The following TRPM3 variants were observed in gnomAD, a reference collection of about 807,000 sequenced individuals.
TRPM3 encodes the protein transient receptor potential cation channel subfamily M member 3, also known as long transient receptor potential channel 3.
A neutral mutation model predicts 181.2 loss-of-function variants in TRPM3; 77 were observed. That is an observed-to-expected ratio of 0.42 (90% confidence interval 0.35 to 0.51). The LOEUF (loss-of-function observed/expected upper bound fraction) is 0.51, where lower values mean the gene tolerates loss of function less well. Among genes scored for constraint, TRPM3 ranks in the 20% least tolerant of loss-of-function variants. TRPM3 has a pLI of 0.01. For synonymous variants in TRPM3, 745 were observed against 796.4 expected (o/e 0.94, Z 1.09); for missense variants, 1,759 against 2,196.7 (o/e 0.80, Z 3.98).
chr9:70,603,256 TC>T, intron 20 of TRPM3, 85 bp downstream of exon 20: 1 of 1,488,942 alleles, frequency 6.7e-7, no homozygotes, highest in East Asian at 2.3e-5. Context: ...TTAATTTGCA[TC>T]CCAGGCATCT....
chr9:71,389,397 G>C (rs1484779785), intron 1 of TRPM3, among the ~76,000 whole-genome samples: 1 of 152,032 alleles, frequency 6.6e-6, no homozygotes, highest in African/African-American at 2.4e-5. Flanking sequence ...ATGTAAACTA[G>C]TACAGCCACT....
At chr9:70,560,150 C>T (rs999005296) in intron 22 of TRPM3, among the ~76,000 whole-genome samples, 17 of 152,154 alleles carry the variant, frequency 1.1e-4, no homozygotes, top group East Asian at 1.9e-4. Flanking sequence ...CTGTAAGAAA[C>T]GCATTGTCCT....
rs144165082 is a variant in TRPM3 at position 70,559,774 on chromosome 9, C to T, written c.3224-6464G>A. Among the ~76,000 whole-genome samples, 20 of 152,286 alleles carry T rather than the reference C, an allele frequency of 1.3e-4. No individual in the cohort carries two copies. In the East Asian group the frequency reaches 3.9e-3, roughly 29 times the overall value. On this transcript the variant is annotated intron_variant, in intron 22 of 25. Coordinates refer to ENST00000677713, the MANE Select transcript of TRPM3 (RefSeq NM_001366145.2). ...CTTTTCAGGAGCCTCCTCAAGCCCA[C>T]ATGGCCTGGCCAGTACCTGCCCTAT... is the stretch of plus-strand genomic sequence containing the variant.
intron 6 of TRPM3, among the ~76,000 whole-genome samples, chr9:70,815,895 G>T (rs1333744513): frequency 6.6e-6 from 1 of 152,206 alleles, no homozygotes; most frequent in Non-Finnish European, 1.5e-5. Context: ...GGAGGAAAAA[G>T]ATGTTAAGCC....
chr9:70,813,386 G>T (rs2092339700), intron 6 of TRPM3, among the ~76,000 whole-genome samples: 1 of 151,946 alleles, frequency 6.6e-6, no homozygotes, highest in South Asian at 2.1e-4. Flanking sequence ...GTTGAAGTTG[G>T]AGTCATTATC....
intron 9 of TRPM3, among the ~76,000 whole-genome samples, chr9:70,668,672 G>GA (rs57929544): frequency 0.25 from 21,767 of 86,508 alleles, 2,918 homozygotes; most frequent in Non-Finnish European, 0.29. Context: ...CTCAAAAAAA[G>GA]AAAAAAAAAA....
intron 1 of TRPM3, among the ~76,000 whole-genome samples, chr9:71,108,418 T>A (rs2070248159): frequency 1.3e-5 from 2 of 152,122 alleles, no homozygotes; most frequent in Non-Finnish European, 2.9e-5. Context: ...CCCTGCCATA[T>A]CACCTGCTAG....
intron 1 of TRPM3, among the ~76,000 whole-genome samples, chr9:71,230,150 C>A (rs2080953799): frequency 6.6e-6 from 1 of 152,112 alleles, no homozygotes; most frequent in African/African-American, 2.4e-5. Flanking sequence ...AAATGAGATT[C>A]TGTCATTTGC....
chr9:71,307,418 CT>C (rs2087457858), intron 1 of TRPM3, among the ~76,000 whole-genome samples: 1 of 151,042 alleles, frequency 6.6e-6, no homozygotes, highest in Non-Finnish European at 1.5e-5. Context: ...ATTCAATTTT[CT>C]TTTATTTTTT....
chr9:71,277,843 C>A (rs1206978604), intron 1 of TRPM3, among the ~76,000 whole-genome samples: 1 of 152,110 alleles, frequency 6.6e-6, no homozygotes, highest in Admixed American at 6.5e-5. Context: ...GCATCGCACT[C>A]CACACATGGG....
rs1336154436 is a variant in TRPM3 at position 71,380,631 on chromosome 9, TG to T, written c.183+66021del. Among the ~76,000 whole-genome samples, 12 of 152,182 alleles carry T rather than the reference TG, an allele frequency of 7.9e-5. No individual in the cohort carries two copies. In the South Asian group the frequency reaches 1.5e-3, roughly 18 times the overall value. ...TCAGCAGAAAGCAAAGAAAATAGTA[TG>T]GCTAATATCTGATTATTATTTCATA... On this transcript the variant is annotated intron_variant, in intron 1 of 24. Coordinates refer to the TRPM3 transcript ENST00000357533.
intron 1 of TRPM3, among the ~76,000 whole-genome samples, chr9:70,963,021 G>A (rs1406297278): frequency 1.3e-5 from 2 of 152,140 alleles, no homozygotes. Flanking sequence ...GAATGGAGAA[G>A]AAAGAGCTGC....
intron 6 of TRPM3, among the ~76,000 whole-genome samples, chr9:70,797,113 G>C (rs2087295206): frequency 6.6e-6 from 1 of 152,170 alleles, no homozygotes; most frequent in South Asian, 2.1e-4. Flanking sequence ...CTGGGTGATA[G>C]AGTGAGATCT....
chr9:70,864,513 T>C lies in TRPM3; in HGVS notation c.178-2A>G. The C allele has an allele frequency of 1.1e-6, 1 of 887,136 alleles. No homozygotes were observed. Among genetic ancestry groups the C allele is most frequent in the South Asian group, 3.5e-5 (1 of 28,864 alleles). 55.0% of individuals were successfully genotyped at this position (887,136 alleles called of 1,614,324 possible). ...TCTTTCTATCCAGGATTTCTGAGCC[T>C]GAAAAAGAAAACAAAAAAAAAAAAA... On this transcript the variant is annotated splice_acceptor_variant, in intron 1 of 25. Coordinates refer to ENST00000677713, the MANE Select transcript of TRPM3 (RefSeq NM_001366145.2). LOFTEE classifies it high-confidence loss of function.
At chr9:70,941,980 C>A (rs1487674307) in intron 1 of TRPM3, among the ~76,000 whole-genome samples, 1 of 152,132 alleles carries the variant, frequency 6.6e-6, no homozygotes, top group Non-Finnish European at 1.5e-5. Context: ...AATATTATAT[C>A]TTGATCTAAA....
intron 1 of TRPM3, among the ~76,000 whole-genome samples, chr9:71,244,395 T>C (rs369941235): frequency 1.2e-3 from 190 of 152,324 alleles, no homozygotes; most frequent in African/African-American, 4.3e-3. Flanking sequence ...AGATTTCTAA[T>C]GCAGCCATTC....
chr9:70,674,790 T>A (rs1053533012), intron 9 of TRPM3, among the ~76,000 whole-genome samples: 1 of 139,800 alleles, frequency 7.2e-6, no homozygotes, highest in East Asian at 2.4e-4. Flanking sequence ...GATCTTGAAC[T>A]CCCAGGCTCA....
intron 1 of TRPM3, among the ~76,000 whole-genome samples, chr9:71,137,055 G>T (rs1445259934): frequency 6.6e-6 from 1 of 152,126 alleles, no homozygotes; most frequent in African/African-American, 2.4e-5. Flanking sequence ...CTAGTACAAG[G>T]AAAGCAAACC....
intron 1 of TRPM3, among the ~76,000 whole-genome samples, chr9:71,269,656 C>T (rs1350139540): frequency 5.9e-5 from 9 of 152,260 alleles, no homozygotes; most frequent in African/African-American, 1.2e-4. Context: ...CTAGAAAAAT[C>T]GGAGTGAGTG....
Sources: gnomAD v4.1 joint callset for allele counts (sites outside exome capture counted in the v4.1 genomes callset) on GRCh38, gnomAD v4.1.1 for gene constraint, MANE v1.5 for transcripts, NCBI Gene and HGNC (gene_info 2026-07-23, HGNC 2026-07-21) for gene names.